Variants in CCSER1 observed in about 807,000 individuals in gnomAD.
CCSER1 encodes the protein coiled-coil serine rich protein 1.
A neutral mutation model predicts 82.0 loss-of-function variants in CCSER1; 41 were observed. The observed-to-expected ratio is 0.50, with a 90% confidence interval of 0.39 to 0.65. CCSER1 has a LOEUF of 0.65. Ranked by LOEUF, CCSER1 falls within the 30% of genes least tolerant of loss-of-function variation. CCSER1 has a pLI of 0.00. For synonymous variants in CCSER1, 414 were observed against 383.9 expected, an observed-to-expected ratio of 1.08 and a Z score of -0.92; for missense variants, 1,119 against 1,064.2, an observed-to-expected ratio of 1.05 and a Z score of -0.72.
chr4:91,172,227 C>T (rs1732838790), intron 10 of CCSER1, among the ~76,000 whole-genome samples: 1 of 152,080 alleles, frequency 6.6e-6, no homozygotes, highest in African/African-American at 2.4e-5. Flanking sequence ...ATTATGTAAT[C>T]TCTTAAAGTG....
chr4:90,964,087 C>A (rs1346268983), intron 9 of CCSER1, among the ~76,000 whole-genome samples: 5 of 152,068 alleles, frequency 3.3e-5, no homozygotes, highest in Non-Finnish European at 7.4e-5. Flanking sequence ...AATTGACATA[C>A]CTCCCTAAAA....
intron 10 of CCSER1, among the ~76,000 whole-genome samples, chr4:91,405,100 T>C (rs947734994): frequency 3.9e-5 from 6 of 152,154 alleles, no homozygotes; most frequent in Non-Finnish European, 7.4e-5. Flanking sequence ...GCATATATAT[T>C]TAGGATAGTT....
intron 6 of CCSER1, among the ~76,000 whole-genome samples, chr4:90,647,985 A>G (rs1260745767): frequency 6.6e-6 from 1 of 152,158 alleles, no homozygotes; most frequent in Non-Finnish European, 1.5e-5. Flanking sequence ...CATGTTTAAA[A>G]TAAGATAATT....
At chr4:90,132,533 T>G (rs892707479) in intron 1 of CCSER1, among the ~76,000 whole-genome samples, 6 of 152,200 alleles carry the variant, frequency 3.9e-5, no homozygotes, top group African/African-American at 1.4e-4. Flanking sequence ...AATATAAAGC[T>G]GACTATTCTA....
chr4:90,873,743 A>G (rs1406310321), intron 8 of CCSER1, among the ~76,000 whole-genome samples: 1 of 152,070 alleles, frequency 6.6e-6, no homozygotes, highest in Admixed American at 6.6e-5. Flanking sequence ...TGAGAGGAAA[A>G]AGGCAATTTT....
chr4:91,518,823 G>A (rs1310144170), intron 10 of CCSER1, among the ~76,000 whole-genome samples: 2 of 152,192 alleles, frequency 1.3e-5, no homozygotes, highest in Non-Finnish European at 2.9e-5. Flanking sequence ...GCCACCACCA[G>A]TGGGTATGCT....
intron 10 of CCSER1, among the ~76,000 whole-genome samples, chr4:91,406,915 AT>A (rs989097904): frequency 6.6e-6 from 1 of 152,188 alleles, no homozygotes; most frequent in Non-Finnish European, 1.5e-5. Context: ...TTATTTGAAT[AT>A]TCTCACAACA....
intron 1 of CCSER1, among the ~76,000 whole-genome samples, chr4:90,200,758 A>G (rs1737542066): frequency 6.6e-6 from 1 of 151,960 alleles, no homozygotes; most frequent in African/African-American, 2.4e-5. Context: ...TGTATATATT[A>G]TGTGCATAAT....
chr4:91,466,715 C>G (rs1042714953), intron 10 of CCSER1, among the ~76,000 whole-genome samples: 3 of 152,074 alleles, frequency 2.0e-5, no homozygotes, highest in Non-Finnish European at 4.4e-5. Flanking sequence ...CAATAAGAGA[C>G]AAACAGAGAG....
At chr4:90,149,757 GCTCTTGAA>G (rs1471643321) in intron 1 of CCSER1, among the ~76,000 whole-genome samples, 1 of 151,996 alleles carries the variant, frequency 6.6e-6, no homozygotes, top group African/African-American at 2.4e-5. Context: ...TAAACTTAGT[GCTCTTGAA>G]CTTTGCTTAA....
intron 8 of CCSER1, among the ~76,000 whole-genome samples, chr4:90,832,625 T>A (rs1339798447): frequency 6.6e-6 from 1 of 152,192 alleles, no homozygotes; most frequent in Non-Finnish European, 1.5e-5. Flanking sequence ...TGATCATTAT[T>A]TCTTTTGTCA....
chr4:90,655,227 T>C (rs562882616), intron 6 of CCSER1, among the ~76,000 whole-genome samples: 1 of 152,134 alleles, frequency 6.6e-6, no homozygotes, highest in East Asian at 1.9e-4. Context: ...CTGAGTTATA[T>C]ATAATCATAA....
intron 9 of CCSER1, among the ~76,000 whole-genome samples, chr4:91,063,696 C>T (rs368783123): frequency 6.6e-6 from 1 of 152,044 alleles, no homozygotes; most frequent in Non-Finnish European, 1.5e-5. Context: ...CTGATTCTTC[C>T]TTTGGGTTTC....
chr4:91,091,219 C>A (rs758034839), intron 10 of CCSER1, among the ~76,000 whole-genome samples: 7 of 152,270 alleles, frequency 4.6e-5, no homozygotes, highest in Admixed American at 2.0e-4. Flanking sequence ...TTCTTCTGTT[C>A]TGGCTAATAC....
At chr4:90,268,034 G>T (rs1174106201) in intron 1 of CCSER1, among the ~76,000 whole-genome samples, 1 of 152,104 alleles carries the variant, frequency 6.6e-6, no homozygotes, top group Non-Finnish European at 1.5e-5. Flanking sequence ...TTTTACCCTA[G>T]AATAGTATAT....
chr4:91,165,246 T>C (rs1192934069), intron 10 of CCSER1, among the ~76,000 whole-genome samples: 1 of 152,210 alleles, frequency 6.6e-6, no homozygotes, highest in Non-Finnish European at 1.5e-5. Flanking sequence ...CCTGTTTGCC[T>C]GGGTATGACC....
intron 4 of CCSER1, among the ~76,000 whole-genome samples, chr4:90,422,237 G>C (rs1214979610): frequency 6.6e-6 from 1 of 152,122 alleles, no homozygotes; most frequent in Non-Finnish European, 1.5e-5. Flanking sequence ...ATTATTATCA[G>C]GGTTTGTGTC....
At chr4:91,000,397 G>T (rs981026610) in intron 9 of CCSER1, among the ~76,000 whole-genome samples, 1 of 151,336 alleles carries the variant, frequency 6.6e-6, no homozygotes, top group Non-Finnish European at 1.5e-5. Context: ...GATTGCTTTG[G>T]CTATTCTTGG....
intron 7 of CCSER1, among the ~76,000 whole-genome samples, chr4:90,746,924 A>T (rs72661891): frequency 0.27 from 40,425 of 152,006 alleles, 5,950 homozygotes; most frequent in East Asian, 0.34. Flanking sequence ...CTCAGGTCCT[A>T]AAAATTCTGA....
Sources: gnomAD v4.1 joint callset for allele counts (sites outside exome capture counted in the v4.1 genomes callset) on GRCh38, gnomAD v4.1.1 for gene constraint, MANE v1.5 for transcripts, NCBI Gene and HGNC (gene_info 2026-07-23, HGNC 2026-07-21) for gene names.